The following ARHGAP33 variants were observed in gnomAD, a reference collection of about 807,000 sequenced individuals.
The protein encoded by ARHGAP33 is Rho GTPase activating protein 33.
ARHGAP33 carries 57 observed loss-of-function variants against 126.2 expected under a neutral mutation model. The observed-to-expected ratio is 0.45, with a 90% confidence interval of 0.36 to 0.56. The LOEUF (loss-of-function observed/expected upper bound fraction) is 0.56. Among genes scored for constraint, ARHGAP33 ranks in the 20% least tolerant of loss-of-function variants. The pLI is 0.00. For synonymous variants in ARHGAP33, 711 were observed against 755.0 expected (o/e 0.94, Z 0.95); for missense variants, 1,500 against 1,748.3 (o/e 0.86, Z 2.53).
chr19:35,788,449 G>T lies in ARHGAP33; in HGVS notation c.*20G>T. ...TGCTGAGCACCAGCTGGGAGGGGCCGTCCTTCCTTCCCTTCACCCTCACTG... is the reference window on the plus strand; with the variant it reads ...TGCTGAGCACCAGCTGGGAGGGGCCTTCCTTCCTTCCCTTCACCCTCACTG... On this transcript the variant is annotated 3_prime_UTR_variant, in exon 21 of 21. Transcript: ENST00000007510. 9.3e-6 allele frequency: 14 copies of T among 1,505,154 alleles called. No individual in the cohort carries two copies. The highest frequency in any genetic ancestry group is 1.2e-5 in the Non-Finnish European group (14 of 1,125,110). The allele number at this position is 1,505,154 out of a possible 1,614,324, so 93.2% of individuals were successfully genotyped here. A position where few individuals can be genotyped will look rare whatever the true frequency, so the allele number is the denominator to read the frequency against.
At position 35,787,939 on chromosome 19, in the gene ARHGAP33, C is replaced by T. The variant is rs1972210970; in HGVS notation, c.3374C>T (p.Ser1125Leu). 7.0e-6 allele frequency: 11 copies of T among 1,563,430 alleles called. No individual in the cohort carries two copies. Among genetic ancestry groups the T allele is most frequent in the Non-Finnish European group, 8.7e-6 (10 of 1,151,876 alleles). Residue 1125 changes from serine to leucine, a missense_variant, in exon 21 of 21, where the codon TCA becomes TTA. Transcript: ENST00000007510. ...GCCTCCTACGGCATGCTTGGCCAAT[C>T]ACCCCCACTCCACAGGTCCCCCGAC... is the stretch of plus-strand genomic sequence containing the variant. ...LNASYGMLGQ[S>L]PPLHRSPDFL...
In ARHGAP33 at chr19:35,787,030, CAGG is replaced by C. The variant is rs751768918; in HGVS notation, c.2563_2565del (p.Glu855del). The stretch of plus-strand genomic sequence containing the variant: ...GGCCCCGCTGACTGACGCCTGCCAG[CAGG>C]AGATGTGCAGCAAGCTCCGGGGAGC... On this transcript the variant is annotated inframe_deletion, in exon 20 of 21. Coordinates refer to ENST00000007510, the MANE Select transcript of ARHGAP33 (RefSeq NM_001366178.1). The C allele has an allele frequency of 1.2e-5, 19 of 1,609,040 alleles. No individual in the cohort carries two copies. In the African/African-American group the frequency reaches 1.7e-4, roughly 15 times the overall value.
At chr19:35,784,860 T>C in intron 16 of ARHGAP33, 93 bp from the exon 17 acceptor site, 1 of 1,403,374 alleles carries the variant, frequency 7.1e-7, no homozygotes. Context: ...GTGGGCATGC[T>C]GCGGGGCCGG....
chr19:35,782,304 G>A lies in ARHGAP33; in HGVS notation c.1086-69G>A. On this transcript the variant is annotated intron_variant, in intron 12 of 20. Coordinates refer to ENST00000007510, the MANE Select transcript of ARHGAP33 (RefSeq NM_001366178.1). The surrounding 1 kb of genome is among the most constrained non-coding windows in gnomAD (Gnocchi z 4.1). The stretch of plus-strand genomic sequence containing the variant: ...TGCGGGCACTTGGGGGTAGGGGCAA[G>A]GGGAGCATGGCCACGTGAGCGAGCC... 1 of 1,549,992 alleles carries A rather than the reference G, an allele frequency of 6.5e-7. No homozygotes were observed. Among genetic ancestry groups the A allele is most frequent in the Non-Finnish European group, 8.8e-7 (1 of 1,139,230 alleles).
At chr19:35,784,419 G>C in intron 16 of ARHGAP33, 102 bp downstream of exon 16, 1 of 1,432,346 alleles carries the variant, frequency 7.0e-7, no homozygotes, top group Non-Finnish European at 9.1e-7. Context: ...CCCCACTGAA[G>C]CTGGGCCTCC....
Position 35,781,037 on chromosome 19 carries a change from A to G in ARHGAP33, c.947A>G (p.Asp316Gly). 1 of 1,612,352 alleles carries G rather than the reference A, an allele frequency of 6.2e-7. No individual in the cohort carries two copies. Among genetic ancestry groups the G allele is most frequent in the East Asian group, 2.2e-5 (1 of 44,858 alleles). ...CTGCGACAGAGGGTGTTTGGCTGCG[A>G]TCTTGGCGAGCACCTCAGCAACTCA... Reference protein sequence around the residue: ...GILRQRVFGCDLGEHLSNSGQ... With the variant: ...GILRQRVFGCGLGEHLSNSGQ... Residue 316 changes from aspartate to glycine, a missense_variant, in exon 11 of 21, where the codon GAT becomes GGT. By Grantham distance (94) the Asp-to-Gly change is moderately conservative (BLOSUM62 -1). Around this residue, in one of 6 missense-constraint regions of ARHGAP33, gnomAD observed 281 missense variants for 413.7 expected, o/e 0.68. Coordinates refer to ENST00000007510, the MANE Select transcript of ARHGAP33 (RefSeq NM_001366178.1).
intron 3 of ARHGAP33, 90 bp from the exon 4 acceptor site, chr19:35,778,190 G>A (rs1423772728): frequency 2.9e-6 from 4 of 1,372,942 alleles, no homozygotes; most frequent in Admixed American, 3.5e-5. Flanking sequence ...AGGTCCAGAA[G>A]GGAGTCACAA....
At chr19:35,781,096 C>A in intron 11 of ARHGAP33, 24 bp downstream of exon 11, 5 of 1,611,058 alleles carry the variant, frequency 3.1e-6, no homozygotes, top group Non-Finnish European at 4.2e-6. Context: ...CCACCCACCC[C>A]ACCCGTCACA....
chr19:35,785,892 T>C, intron 19 of ARHGAP33: 1 of 1,112,308 alleles, frequency 9.0e-7, no homozygotes, highest in Non-Finnish European at 1.1e-6. Flanking sequence ...GGTGTGTGTG[T>C]AAGGATCATA....
At chr19:35,783,781 G>C (rs1971933740) in intron 15 of ARHGAP33, among the ~76,000 whole-genome samples, 1 of 152,072 alleles carries the variant, frequency 6.6e-6, no homozygotes, top group South Asian at 2.1e-4. Context: ...ATGGAACTCA[G>C]GTGGTCTCAG....
At position 35,782,741 on chromosome 19, in the gene ARHGAP33, C is replaced by T; in HGVS notation, c.1314-21C>T. On this transcript the variant is annotated intron_variant, in intron 14 of 20. Coordinates refer to ENST00000007510, the MANE Select transcript of ARHGAP33 (RefSeq NM_001366178.1). The surrounding 1 kb of genome is among the most constrained non-coding windows in gnomAD (Gnocchi z 4.1). ...TCCAAGGGGGTTGAGGCTCAGGTGC[C>T]CCCTCTGCTCCCACCCCCAGGACCC... is the stretch of plus-strand genomic sequence containing the variant. The T allele has an allele frequency of 1.2e-6, 2 of 1,611,248 alleles. No homozygotes were observed. Among genetic ancestry groups the T allele is most frequent in the East Asian group, 2.2e-5 (1 of 44,716 alleles).
At chr19:35,783,774 G>C (rs1971933417) in intron 15 of ARHGAP33, among the ~76,000 whole-genome samples, 1 of 152,078 alleles carries the variant, frequency 6.6e-6, no homozygotes, top group African/African-American at 2.4e-5. Flanking sequence ...GGCCCTGATG[G>C]AACTCAGGTG....
chr19:35,788,442 A>G lies in ARHGAP33; in HGVS notation c.*13A>G. The G allele has an allele frequency of 1.3e-6, 2 of 1,517,392 alleles. No individual in the cohort carries two copies. Among genetic ancestry groups the G allele is most frequent in the Admixed American group, 2.3e-5 (1 of 44,230 alleles). 94.0% of individuals were successfully genotyped at this position (1,517,392 alleles called of 1,614,324 possible). On this transcript the variant is annotated 3_prime_UTR_variant, in exon 21 of 21. Coordinates refer to ENST00000007510, the MANE Select transcript of ARHGAP33 (RefSeq NM_001366178.1). ...AAGCTACTGCTGAGCACCAGCTGGG[A>G]GGGGCCGTCCTTCCTTCCCTTCACC...
At chr19:35,780,679 G>C (rs1336285514) in intron 9 of ARHGAP33, 31 bp downstream of exon 9, 1 of 1,610,224 alleles carries the variant, frequency 6.2e-7, no homozygotes, top group African/African-American at 1.3e-5. Context: ...GGAGGTGTGG[G>C]GAGGGGTGGG....
Position 35,787,537 on chromosome 19 carries a change from G to C in ARHGAP33, c.2972G>C (p.Arg991Thr). 1 of 1,611,986 alleles carries C rather than the reference G, an allele frequency of 6.2e-7. No individual in the cohort carries two copies. The highest frequency in any genetic ancestry group is 2.2e-5 in the East Asian group (1 of 44,860). ...CAGCGGCCCATGGGGACCTCAAGGA[G>C]GGGACTCCGAGGCCCTGCCCAGGTC... ...RSQRPMGTSR[R>T]GLRGPAQVSA... is the part of the protein sequence containing the mutation. Residue 991 changes from arginine (R) to threonine (T), a missense_variant, in exon 21 of 21, where the codon AGG (arginine) becomes ACG (threonine). Physicochemically the swap from Arg to Thr is moderately conservative, Grantham distance 71 (BLOSUM62 -1). Coordinates refer to ENST00000007510, the MANE Select transcript of ARHGAP33 (RefSeq NM_001366178.1).
Position 35,786,381 on chromosome 19 carries a change from C to CA in ARHGAP33, c.1943-31dup. On this transcript the variant is annotated intron_variant, in intron 19 of 20. Transcript: ENST00000007510. The surrounding 1 kb of genome is among the most constrained non-coding windows in gnomAD (Gnocchi z 7.0). ...TCTGTGGGGCTGTGCGCCCTGTTCT[C>CA]AGGGATGGTCTCACTGACCCCACCC... The CA allele has an allele frequency of 6.6e-7, 1 of 1,507,682 alleles. No individual in the cohort carries two copies. Among genetic ancestry groups the CA allele is most frequent in the South Asian group, 1.3e-5 (1 of 78,928 alleles). 93.4% of individuals were successfully genotyped at this position (1,507,682 alleles called of 1,614,324 possible). A position where few individuals can be genotyped will look rare whatever the true frequency, so the allele number is the denominator to read the frequency against.
Position 35,778,273 on chromosome 19 carries a change from T to A in ARHGAP33, c.190-7T>A. ...AAGTCCACCTGGGCCTTGCTTTCCC[T>A]CTGCAGCTCCTGCTGTCTCCAGACC... is the stretch of plus-strand genomic sequence containing the variant. On this transcript the variant is annotated splice_polypyrimidine_tract_variant and splice_region_variant and intron_variant, in intron 3 of 20. Coordinates refer to ENST00000007510, the MANE Select transcript of ARHGAP33 (RefSeq NM_001366178.1). The A allele has an allele frequency of 1.2e-6, 2 of 1,614,132 alleles. No individual in the cohort carries two copies. The highest frequency in any genetic ancestry group is 3.3e-5 in the Admixed American group (2 of 60,026).
chr19:35,782,555 C>A lies in ARHGAP33; in HGVS notation c.1230+38C>A, dbSNP rs369183032. ...GCTGGCGGGACGGAGGGGGCCGGGACGCCTCTGGCCCAGACCTCATCACAC... is the reference window on the plus strand; with the variant it reads ...GCTGGCGGGACGGAGGGGGCCGGGAAGCCTCTGGCCCAGACCTCATCACAC... On this transcript the variant is annotated intron_variant, in intron 13 of 20. Transcript: ENST00000007510. The surrounding 1 kb of genome is among the most constrained non-coding windows in gnomAD (Gnocchi z 4.1). 1.2e-6 allele frequency: 2 copies of A among 1,613,472 alleles called. No homozygotes were observed. The highest frequency in any genetic ancestry group is 1.7e-6 in the Non-Finnish European group (2 of 1,179,698).
Position 35,780,279 on chromosome 19 carries a change from C to A in ARHGAP33, c.570C>A (p.Ala190=). The change falls in exon 7 of 21, where the codon GCC becomes GCA. Residue 190 remains alanine, a synonymous_variant. Coordinates refer to ENST00000007510, the MANE Select transcript of ARHGAP33 (RefSeq NM_001366178.1). ...EASLNIPAVA[A]AHVIKRYTAQ... Reference sequence around the variant, plus strand: ...CACTCAATATCCCTGCAGTGGCGGCCGCCCATGTGATCAAACGGTATACAG... The same window carrying A: ...CACTCAATATCCCTGCAGTGGCGGCAGCCCATGTGATCAAACGGTATACAG... 6.2e-7 allele frequency: 1 copy of A among 1,613,794 alleles called. No individual in the cohort carries two copies. Among genetic ancestry groups the A allele is most frequent in the Non-Finnish European group, 8.5e-7 (1 of 1,180,022 alleles).
Sources: gnomAD v4.1 joint callset for allele counts (sites outside exome capture counted in the v4.1 genomes callset) on GRCh38, gnomAD v4.1.1 for gene constraint, gnomAD v4.1.1 regional missense constraint, Gnocchi (gnomAD v3.1) non-coding constraint, MANE v1.5 for transcripts, NCBI Gene and HGNC (gene_info 2026-07-23, HGNC 2026-07-21) for gene names.